The following BTBD9 variants were observed in gnomAD, a reference collection of about 807,000 sequenced individuals.
BTBD9 encodes BTB domain containing 9, also known as BTB/POZ domain-containing protein 9.
BTBD9 carries 49 observed loss-of-function variants against 64.3 expected under a neutral mutation model. The ratio of observed to expected loss-of-function variants is 0.76; its 90% confidence interval spans 0.61 to 0.97. The LOEUF (loss-of-function observed/expected upper bound fraction) is 0.97. Among genes scored for constraint, BTBD9 ranks in the 50% least tolerant of loss-of-function variants. The pLI is 0.00. For synonymous variants in BTBD9, 260 were observed against 274.7 expected (o/e 0.95, Z 0.53); for missense variants, 598 against 762.1 (o/e 0.78, Z 2.53).
chr6:38,390,164 C>T (rs1016085115), intron 6 of BTBD9, among the ~76,000 whole-genome samples: 1 of 152,138 alleles, frequency 6.6e-6, no homozygotes, highest in Admixed American at 6.6e-5. Context: ...TGTAGAGATA[C>T]TTCCAAAGAT....
intron 6 of BTBD9, among the ~76,000 whole-genome samples, chr6:38,477,793 G>A (rs1034458451): frequency 2.6e-5 from 4 of 152,128 alleles, no homozygotes; most frequent in Non-Finnish European, 4.4e-5. Flanking sequence ...TCTTATCCTC[G>A]AGTCATTTAA....
At chr6:38,583,431 G>A (rs1038102513) in intron 4 of BTBD9, among the ~76,000 whole-genome samples, 11 of 152,110 alleles carry the variant, frequency 7.2e-5, no homozygotes, top group East Asian at 1.9e-4. Flanking sequence ...CCCAGGAGGC[G>A]GAGGTTGTAA....
intron 6 of BTBD9, among the ~76,000 whole-genome samples, chr6:38,513,258 C>G (rs1582556096): frequency 6.6e-6 from 1 of 152,024 alleles, no homozygotes; most frequent in Non-Finnish European, 1.5e-5. Context: ...CCAGCCTGAT[C>G]AACGTGGTGA....
At chr6:38,378,623 C>G (rs1765792101) in intron 6 of BTBD9, among the ~76,000 whole-genome samples, 1 of 151,524 alleles carries the variant, frequency 6.6e-6, no homozygotes, top group African/African-American at 2.4e-5. Context: ...CCTGTAATCC[C>G]AGCACTTTGG....
At chr6:38,582,062 A>C (rs923507689) in intron 4 of BTBD9, among the ~76,000 whole-genome samples, 3 of 152,172 alleles carry the variant, frequency 2.0e-5, no homozygotes, top group African/African-American at 7.2e-5. Flanking sequence ...TTTCTGGAAA[A>C]ATTTTTTTTA....
rs148466565 is a variant in BTBD9 at position 38,218,531 on chromosome 6, T to C, written c.1563-25934A>G. On this transcript the variant is annotated intron_variant, in intron 9 of 10. Transcript: ENST00000481247. ...CCCCTTGGACCTGCCAGATGTCCCC[T>C]GGGATTTCTTATCCTGACTTTCACT... Among the ~76,000 whole-genome samples the C allele has an allele frequency of 1.5e-3, 223 of 152,360 alleles. 5 individuals are homozygous for C. The East Asian group carries it at 0.031, about 21-fold the overall frequency.
chr6:38,181,530 CAT>C (rs1457428603), intron 10 of BTBD9, among the ~76,000 whole-genome samples: 1 of 152,224 alleles, frequency 6.6e-6, no homozygotes, highest in African/African-American at 2.4e-5. Flanking sequence ...TCACCATTAA[CAT>C]CTCTCTTATG....
intron 1 of BTBD9, among the ~76,000 whole-genome samples, chr6:38,620,203 G>C (rs1777937230): frequency 6.6e-6 from 1 of 152,234 alleles, no homozygotes; most frequent in Non-Finnish European, 1.5e-5. Flanking sequence ...CAAAAGGTCA[G>C]TGGAGACTAG....
chr6:38,305,372 T>A (rs531745145), intron 7 of BTBD9, among the ~76,000 whole-genome samples: 80 of 152,308 alleles, frequency 5.3e-4, no homozygotes, highest in African/African-American at 1.9e-3. Flanking sequence ...TGGTCACTCA[T>A]GGTAGACTAA....
chr6:38,496,369 G>A (rs1487648191), intron 6 of BTBD9, among the ~76,000 whole-genome samples: 1 of 152,096 alleles, frequency 6.6e-6, no homozygotes, highest in Non-Finnish European at 1.5e-5. Flanking sequence ...TCAGCCAGGC[G>A]CAGTGGTTCA....
intron 6 of BTBD9, among the ~76,000 whole-genome samples, chr6:38,565,715 A>C (rs1775461784): frequency 6.6e-6 from 1 of 152,202 alleles, no homozygotes; most frequent in African/African-American, 2.4e-5. Context: ...CATGGAGAGG[A>C]ATAAACGTAT....
intron 10 of BTBD9, among the ~76,000 whole-genome samples, chr6:38,183,323 G>A (rs549769919): frequency 3.9e-5 from 6 of 152,164 alleles, no homozygotes; most frequent in Non-Finnish European, 8.8e-5. Flanking sequence ...ATATTTTTCT[G>A]CCTTTTTTCC....
intron 8 of BTBD9, among the ~76,000 whole-genome samples, chr6:38,259,046 A>C (rs2127536854): frequency 6.6e-6 from 1 of 152,368 alleles, no homozygotes; most frequent in Middle Eastern, 3.4e-3. Flanking sequence ...TATTATTATG[A>C]AATTACAGAT....
intron 7 of BTBD9, among the ~76,000 whole-genome samples, chr6:38,324,962 T>G (rs1040766634): frequency 2.0e-5 from 3 of 152,158 alleles, no homozygotes; most frequent in Non-Finnish European, 2.9e-5. Flanking sequence ...ACCTACCTTG[T>G]GAGACTGTTG....
At chr6:38,501,625 T>C (rs1006054615) in intron 6 of BTBD9, among the ~76,000 whole-genome samples, 3 of 152,178 alleles carry the variant, frequency 2.0e-5, no homozygotes, top group African/African-American at 4.8e-5. Flanking sequence ...TGGGGACTCC[T>C]GGGAGTCCCT....
chr6:38,327,317 C>A (rs964415230), intron 7 of BTBD9, among the ~76,000 whole-genome samples: 2 of 152,166 alleles, frequency 1.3e-5, no homozygotes, highest in Non-Finnish European at 1.5e-5. Flanking sequence ...ACAATCATTT[C>A]TTTTTATGCA....
At chr6:38,425,927 TACACACACACAC>T (rs61016424) in intron 6 of BTBD9, among the ~76,000 whole-genome samples, 28 of 136,988 alleles carry the variant, frequency 2.0e-4, no homozygotes, top group Admixed American at 4.4e-4. Flanking sequence ...AAGAAACACA[TACACACACACAC>T]ACACACACAC....
intron 8 of BTBD9, among the ~76,000 whole-genome samples, chr6:38,283,784 C>T (rs1204291107): frequency 6.6e-6 from 1 of 152,178 alleles, no homozygotes; most frequent in African/African-American, 2.4e-5. Flanking sequence ...CTCTGTAATA[C>T]TCTCCCTCTG....
intron 6 of BTBD9, among the ~76,000 whole-genome samples, chr6:38,542,645 A>AG (rs1174274147): frequency 9.9e-5 from 15 of 152,192 alleles, no homozygotes; most frequent in Non-Finnish European, 1.5e-4. Flanking sequence ...TATAAATTTA[A>AG]GACTTTAACA....
Sources: allele counts gnomAD v4.1 joint callset (sites outside exome capture counted in the v4.1 genomes callset), GRCh38; gene constraint gnomAD v4.1.1; transcripts MANE v1.5; gene names NCBI Gene and HGNC (gene_info 2026-07-23, HGNC 2026-07-21).